PREP: variants seen among roughly 807,000 people sequenced by gnomAD.
The protein encoded by PREP is prolyl endopeptidase.
A neutral mutation model predicts 87.6 loss-of-function variants in PREP; 29 were observed. The observed-to-expected ratio is 0.33, with a 90% confidence interval of 0.25 to 0.45. The LOEUF is 0.45. PREP is among the 20% of genes least tolerant of loss of function. The pLI is 1.00. For missense variants in PREP, 695 were observed against 886.5 expected (o/e 0.78, Z 2.74); for synonymous variants, 337 against 328.6 (o/e 1.03, Z -0.28).
At position 105,331,041 on chromosome 6, in the gene PREP, C is replaced by T. The variant is rs190326088; in HGVS notation, c.1016-2015G>A. Among the ~76,000 whole-genome samples the T allele has an allele frequency of 4.9e-3, 740 of 152,266 alleles. 9 individuals carry two copies. The highest frequency in any genetic ancestry group is 0.017 in the African/African-American group (698 of 41,542). Reference sequence around the variant, plus strand: ...CAATCTGTATTAACTATGAGCACATCAGAATTATAAAACAGACAGAAGTGA... The same window carrying T: ...CAATCTGTATTAACTATGAGCACATTAGAATTATAAAACAGACAGAAGTGA... On this transcript the variant is annotated intron_variant, in intron 8 of 14. Transcript: ENST00000652536.
intron 10 of PREP, among the ~76,000 whole-genome samples, chr6:105,309,794 T>G (rs1770725382): frequency 6.6e-6 from 1 of 152,192 alleles, no homozygotes; most frequent in Admixed American, 6.5e-5. Context: ...CTTCTTCTTA[T>G]GGCTGTGGCT....
At chr6:105,297,472 T>C (rs752688781) in intron 10 of PREP, among the ~76,000 whole-genome samples, 49 of 152,232 alleles carry the variant, frequency 3.2e-4, no homozygotes, top group Non-Finnish European at 6.3e-4. Context: ...GGTAGTTTAT[T>C]GCTACCACAG....
chr6:105,285,673 C>T (rs985791291), intron 11 of PREP, 93 bp from the exon 12 acceptor site: 1 of 947,084 alleles, frequency 1.1e-6, no homozygotes, highest in Non-Finnish European at 1.7e-6. Flanking sequence ...TGCCCAACAA[C>T]ACTCTGAGTA....
At chr6:105,340,429 T>A (rs1771612141) in intron 7 of PREP, among the ~76,000 whole-genome samples, 1 of 152,128 alleles carries the variant, frequency 6.6e-6, no homozygotes, top group African/African-American at 2.4e-5. Context: ...TACCAGACAC[T>A]GCAAAAACAT....
In PREP at chr6:105,282,663, G is replaced by C. The variant is rs184625343; in HGVS notation, c.1550-81C>G. 2.0e-4 allele frequency: 296 copies of C among 1,491,088 alleles called. 3 individuals carry two copies. In the East Asian group the frequency reaches 6.2e-3, roughly 31 times the overall value. 92.4% of individuals were successfully genotyped at this position (1,491,088 alleles called of 1,614,324 possible). A position where few individuals can be genotyped will look rare whatever the true frequency, so the allele number is the denominator to read the frequency against. On this transcript the variant is annotated intron_variant, in intron 12 of 14. Coordinates refer to ENST00000652536, the MANE Select transcript of PREP (RefSeq NM_002726.5). The stretch of plus-strand genomic sequence containing the variant: ...ATCTAATGGGAATTCAAATGATAGA[G>C]CACGGTTTCAAATACTGATTAACTT...
At position 105,274,715 on chromosome 6, in the gene PREP, CT is replaced by C. The variant is rs1769901436; in HGVS notation, c.*3428del. ...CCCAAGAGGTGGAGGTTGCAGTAAGCTGAGATAGCGCCATTGCACTCCAGCC... is the reference window on the plus strand; with the variant it reads ...CCCAAGAGGTGGAGGTTGCAGTAAGCGAGATAGCGCCATTGCACTCCAGCC... On this transcript the variant is annotated 3_prime_UTR_variant, in exon 15 of 15. Transcript: ENST00000652536. Among the ~76,000 whole-genome samples the C allele has an allele frequency of 1.3e-5, 2 of 152,132 alleles. No homozygotes were observed. Among genetic ancestry groups the C allele is most frequent in the African/African-American group, 4.8e-5 (2 of 41,428 alleles).
rs145548645 is a variant in PREP at position 105,333,462 on chromosome 6, T to C, written c.867A>G (p.Glu289=). The C allele has an allele frequency of 3.1e-6, 5 of 1,614,204 alleles. No homozygotes were observed. The highest frequency in any genetic ancestry group is 3.4e-6 in the Non-Finnish European group (4 of 1,180,032). Residue 289 remains glutamate, a synonymous_variant, in exon 8 of 15, where the codon GAA becomes GAG. Transcript: ENST00000652536. ...WVKLIDNFEG[E]YDYVTNEGTV... The stretch of plus-strand genomic sequence containing the variant: ...TCCCCTCATTGGTCACGTAGTCATA[T>C]TCCCCTTCAAAGTTGTCAATCAGTT...
At chr6:105,281,986 T>C (rs1770092114) in intron 13 of PREP, 84 bp from the exon 14 acceptor site, 11 of 1,482,426 alleles carry the variant, frequency 7.4e-6, no homozygotes, top group East Asian at 2.3e-5. Context: ...CTTACTTACA[T>C]GCTTCCAGAG....
intron 7 of PREP, among the ~76,000 whole-genome samples, chr6:105,336,798 T>C (rs1366586181): frequency 6.6e-6 from 1 of 152,214 alleles, no homozygotes; most frequent in Non-Finnish European, 1.5e-5. Context: ...GTCTGCTCTT[T>C]CTGTGCCTAT....
intron 6 of PREP, among the ~76,000 whole-genome samples, chr6:105,362,242 T>C (rs1772269104): frequency 6.6e-6 from 1 of 152,098 alleles, no homozygotes; most frequent in Admixed American, 6.6e-5. Flanking sequence ...AGCCGAATCA[T>C]TTGAGGTGAG....
At chr6:105,321,467 A>G (rs1410901573) in intron 10 of PREP, among the ~76,000 whole-genome samples, 1 of 152,252 alleles carries the variant, frequency 6.6e-6, no homozygotes, top group African/African-American at 2.4e-5. Context: ...TAACCTGGAC[A>G]TTCCAGGCTG....
At chr6:105,318,544 G>C (rs1026631842) in intron 10 of PREP, among the ~76,000 whole-genome samples, 2 of 152,160 alleles carry the variant, frequency 1.3e-5, no homozygotes, top group East Asian at 3.9e-4. Flanking sequence ...ATACAAGTAT[G>C]TACACTCTGA....
intron 10 of PREP, among the ~76,000 whole-genome samples, chr6:105,312,681 G>A (rs763957265): frequency 7.9e-5 from 12 of 152,172 alleles, no homozygotes; most frequent in Non-Finnish European, 1.5e-4. Context: ...CTCTTTCCCC[G>A]TCTTCTGCTT....
chr6:105,377,282 G>T, intron 3 of PREP, 104 bp downstream of exon 3: 1 of 1,280,862 alleles, frequency 7.8e-7, no homozygotes, highest in Non-Finnish European at 1.1e-6. Context: ...TCCTTATAAT[G>T]AATTAATCTT....
intron 8 of PREP, among the ~76,000 whole-genome samples, chr6:105,331,214 T>C (rs1266338176): frequency 2.7e-4 from 41 of 152,206 alleles, no homozygotes; most frequent in Admixed American, 2.7e-3. Context: ...ACCATGCTTC[T>C]CTTTAAATTG....
chr6:105,346,174 G>C (rs996122200), intron 7 of PREP, among the ~76,000 whole-genome samples: 1 of 152,140 alleles, frequency 6.6e-6, no homozygotes, highest in African/African-American at 2.4e-5. Context: ...TTAGCACTCA[G>C]ATGACTTTGC....
intron 6 of PREP, among the ~76,000 whole-genome samples, chr6:105,358,742 C>G (rs1722796125): frequency 6.6e-6 from 1 of 152,122 alleles, no homozygotes; most frequent in South Asian, 2.1e-4. Context: ...GCAAAGTTTC[C>G]TCGAATTTAA....
intron 4 of PREP, among the ~76,000 whole-genome samples, chr6:105,374,596 C>T (rs1772637522): frequency 8.5e-6 from 1 of 117,214 alleles, no homozygotes. Flanking sequence ...ACATATTCAC[C>T]TTTTATTCTA....
In PREP at chr6:105,329,319, A is replaced by G. The variant is rs77402276; in HGVS notation, c.1016-293T>C. Among the ~76,000 whole-genome samples, 6 of 152,096 alleles carry G rather than the reference A, an allele frequency of 3.9e-5. No individual in the cohort carries two copies. In the East Asian group the frequency reaches 1.2e-3, roughly 29 times the overall value. On this transcript the variant is annotated intron_variant, in intron 8 of 14. Transcript: ENST00000652536. ...AGGTGTGTGCCACCATGCCTGGCTA[A>G]TTTTTATATTTTTAGTACAGACGGG...
Sources: allele counts gnomAD v4.1 joint callset (sites outside exome capture counted in the v4.1 genomes callset), GRCh38; gene constraint gnomAD v4.1.1; transcripts MANE v1.5; gene names NCBI Gene and HGNC (gene_info 2026-07-23, HGNC 2026-07-21).